Variants in NPY2R observed in about 807,000 individuals in gnomAD.
The protein encoded by NPY2R is neuropeptide Y receptor Y2, also known as neuropeptide Y receptor type 2.
Under a neutral mutation model 22.3 loss-of-function variants are expected in NPY2R, and 17 were observed. The ratio of observed to expected loss-of-function variants is 0.76; its 90% CI spans 0.52 to 1.14. The LOEUF (loss-of-function observed/expected upper bound fraction) is 1.14. Among genes scored for constraint, NPY2R ranks in the 50% most tolerant of loss-of-function variants. The pLI is 0.00. For synonymous variants in NPY2R, 209 were observed against 183.4 expected (o/e 1.14, Z -1.13); for missense variants, 424 against 467.9 (o/e 0.91, Z 0.87).
At chr4:155,175,160 A>G in the NPY2R span, among the ~76,000 whole-genome samples, 1 of 152,130 alleles carries the variant, frequency 6.6e-6, no homozygotes, top group Non-Finnish European at 1.5e-5. Context: ...TGTATCATTA[A>G]GGCAAATTTC....
At chr4:155,180,174 C>T in the NPY2R span, among the ~76,000 whole-genome samples, 2 of 152,014 alleles carry the variant, frequency 1.3e-5, no homozygotes, top group East Asian at 3.9e-4. Context: ...CCCACCTCAG[C>T]CTCCCAAAGA....
the NPY2R span, among the ~76,000 whole-genome samples, chr4:155,174,613 A>C: frequency 6.6e-6 from 1 of 151,698 alleles, no homozygotes; most frequent in Admixed American, 6.6e-5. Context: ...TAGATTTAAA[A>C]ATTACATTTT....
At chr4:155,185,144 A>T in the NPY2R span, among the ~76,000 whole-genome samples, 2 of 151,250 alleles carry the variant, frequency 1.3e-5, no homozygotes, top group African/African-American at 4.9e-5. Flanking sequence ...GGTTCAAGCG[A>T]TTCTCCTGCC....
chr4:155,174,954 G>T, the NPY2R span, among the ~76,000 whole-genome samples: 2 of 152,000 alleles, frequency 1.3e-5, no homozygotes, highest in African/African-American at 4.8e-5. Context: ...GAGTTATTCT[G>T]AAACTATTCT....
chr4:155,204,307 G>A (rs1383510161), upstream of NPY2R, among the ~76,000 whole-genome samples: 1 of 151,814 alleles, frequency 6.6e-6, no homozygotes, highest in Non-Finnish European at 1.5e-5. Context: ...TCCTGATTTA[G>A]TTTCCCCACT....
chr4:155,197,779 G>GC, the NPY2R span, among the ~76,000 whole-genome samples: 7,587 of 151,896 alleles, frequency 0.05, 608 homozygotes, highest in African/African-American at 0.17. Context: ...ACTTCATGGT[G>GC]CCCCCCAGGC....
the NPY2R span, among the ~76,000 whole-genome samples, chr4:155,191,139 G>A: frequency 7.9e-5 from 12 of 151,968 alleles, no homozygotes; most frequent in South Asian, 1.5e-3. Flanking sequence ...AGACAGCAGA[G>A]AAGAGGCAGA....
At chr4:155,181,043 A>G in the NPY2R span, among the ~76,000 whole-genome samples, 1 of 152,308 alleles carries the variant, frequency 6.6e-6, no homozygotes, top group South Asian at 2.1e-4. Context: ...TATTTGTATT[A>G]CTAGAAAAGT....
the NPY2R span, among the ~76,000 whole-genome samples, chr4:155,191,433 T>C: frequency 6.6e-6 from 1 of 151,920 alleles, no homozygotes; most frequent in Non-Finnish European, 1.5e-5. Flanking sequence ...AGAAGACTTT[T>C]CTTTCTTTCT....
chr4:155,207,957 T>C (rs1729315861), upstream of NPY2R: 1 of 152,280 alleles, frequency 6.6e-6, no homozygotes, highest in Non-Finnish European at 1.5e-5. Context: ...ACTCAACTTA[T>C]AAACTGTCTG....
At chr4:155,173,895 C>T in the NPY2R span, 10 of 151,976 alleles carry the variant, frequency 6.6e-5, no homozygotes, top group South Asian at 4.1e-4. Flanking sequence ...GATTTTATTT[C>T]TCCTGCAGTC....
chr4:155,202,521 C>T, the NPY2R span, among the ~76,000 whole-genome samples: 7 of 151,998 alleles, frequency 4.6e-5, no homozygotes, highest in Non-Finnish European at 5.9e-5. Flanking sequence ...GTAATAAAAT[C>T]GTATATGGAT....
the NPY2R span, among the ~76,000 whole-genome samples, chr4:155,181,820 C>A: frequency 5.5e-4 from 84 of 152,244 alleles, no homozygotes; most frequent in Middle Eastern, 3.4e-3. Flanking sequence ...ATGTTCCACA[C>A]CAAGACATTG....
chr4:155,181,542 G>A, the NPY2R span, among the ~76,000 whole-genome samples: 1 of 152,072 alleles, frequency 6.6e-6, no homozygotes, highest in African/African-American at 2.4e-5. Context: ...AAAGGTGATG[G>A]TATTAAGAGG....
the NPY2R span, among the ~76,000 whole-genome samples, chr4:155,191,227 T>C: frequency 1.3e-5 from 2 of 151,918 alleles, no homozygotes; most frequent in African/African-American, 4.8e-5. Flanking sequence ...AGGCACTTAA[T>C]ACTTTGCTGA....
At chr4:155,202,271 C>A in the NPY2R span, among the ~76,000 whole-genome samples, 1 of 152,108 alleles carries the variant, frequency 6.6e-6, no homozygotes, top group African/African-American at 2.4e-5. Context: ...TTCCCATACA[C>A]AAGATTCATT....
rs372918535 is a variant in NPY2R, at chr4:155,214,567, G to C, written c.628G>C (p.Glu210Gln). 2 of 1,614,180 alleles carry C rather than the reference G, an allele frequency of 1.2e-6. No individual in the cohort carries two copies. The highest frequency in any genetic ancestry group is 3.3e-5 in the Admixed American group (2 of 60,024). Residue 210 changes from glutamate to glutamine, a missense_variant, in exon 2 of 2, where the codon GAG becomes CAG. Transcript: ENST00000329476. ...GGCCTGTACTGAAAAGTGGCCTGGC[G>C]AGGAGAAGAGCATCTATGGCACTGT... is the stretch of plus-strand genomic sequence containing the variant. Reference protein sequence around the residue: ...IVACTEKWPGEEKSIYGTVYS... With the variant: ...IVACTEKWPGQEKSIYGTVYS...
At chr4:155,212,017 T>C (rs1288123652) in intron 1 of NPY2R, among the ~76,000 whole-genome samples, 1 of 152,162 alleles carries the variant, frequency 6.6e-6, no homozygotes. Flanking sequence ...TGAAAATGTA[T>C]TCTGTGAGAG....
At chr4:155,209,852 G>A (rs10461257) in intron 1 of NPY2R, among the ~76,000 whole-genome samples, 64,170 of 151,872 alleles carry the variant, frequency 0.42, 15,768 homozygotes, top group African/African-American at 0.68. Context: ...CAATATTGTT[G>A]CAAAAAGCCC....
Sources: allele counts gnomAD v4.1 joint callset (sites outside exome capture counted in the v4.1 genomes callset), GRCh38; gene constraint gnomAD v4.1.1; transcripts MANE v1.5; gene names NCBI Gene and HGNC (gene_info 2026-07-23, HGNC 2026-07-21).